CFAP61: variants seen among roughly 807,000 people sequenced by gnomAD.
CFAP61 encodes cilia- and flagella-associated protein 61.
In CFAP61, 107 loss-of-function variants were observed where a neutral mutation model predicts 135.6. That is an observed-to-expected ratio of 0.79 (90% CI 0.67 to 0.93). The LOEUF is 0.93. Among genes scored for constraint, CFAP61 ranks in the 40% least tolerant of loss-of-function variants. The pLI is 0.00. For missense variants in CFAP61, 1,507 were observed against 1,556.2 expected, an observed-to-expected ratio of 0.97 and a Z score of 0.53; for synonymous variants, 575 against 578.5, an observed-to-expected ratio of 0.99 and a Z score of 0.09.
At position 20,191,291 on chromosome 20, in the gene CFAP61, C is replaced by T. The variant is rs764797904; in HGVS notation, c.1513-51C>T. The T allele has an allele frequency of 1.3e-5, 20 of 1,484,172 alleles. No individual in the cohort carries two copies. In the East Asian group the frequency reaches 4.3e-4, roughly 32 times the overall value. The allele number at this position is 1,484,172 out of a possible 1,614,324, so 91.9% of individuals were successfully genotyped here. ...ACCCACTGTTGCCTGCTTACAAAAA[C>T]ATTCATAGCCATATTTTTAAGGGTC... On this transcript the variant is annotated intron_variant, in intron 14 of 26. Coordinates refer to ENST00000245957, the MANE Select transcript of CFAP61 (RefSeq NM_015585.4).
At chr20:20,320,151 A>G (rs6035603) in intron 25 of CFAP61, among the ~76,000 whole-genome samples, 74,590 of 150,040 alleles carry the variant, frequency 0.5, 18,910 homozygotes, top group African/African-American at 0.58. Context: ...CCTATGAATT[A>G]GCATAGTTTT....
At chr20:20,067,284 T>G (rs200181) in intron 2 of CFAP61, among the ~76,000 whole-genome samples, 19,669 of 152,050 alleles carry the variant, frequency 0.13, 1,534 homozygotes, top group African/African-American at 0.21. Context: ...ATCCAACATT[T>G]AAAAATATGC....
At chr20:20,151,911 C>T (rs1369103225) in intron 9 of CFAP61, among the ~76,000 whole-genome samples, 1 of 150,576 alleles carries the variant, frequency 6.6e-6, no homozygotes, top group Non-Finnish European at 1.5e-5. Context: ...ACATAGTCAT[C>T]AGGTTATCTA....
At chr20:20,105,751 C>G (rs2048338308) in intron 8 of CFAP61, among the ~76,000 whole-genome samples, 1 of 151,432 alleles carries the variant, frequency 6.6e-6, no homozygotes. Flanking sequence ...CCTGCCTCAG[C>G]CTCCCGAGTA....
In CFAP61 at chr20:20,298,224, T is replaced by C. The variant is rs2055794519; in HGVS notation, c.3260T>C (p.Phe1087Ser). The change falls in exon 25 of 27, where the codon TTC becomes TCC. Residue 1087 changes from phenylalanine to serine, a missense_variant. Coordinates refer to ENST00000245957, the MANE Select transcript of CFAP61 (RefSeq NM_015585.4). ...VTGSAKNGTY[F>S]RIHINKYKMV... Reference sequence around the variant, plus strand: ...GGCAGTGCGAAAAATGGGACTTACTTCCGAATTCATATTAACAAGTATAAA... The same window carrying C: ...GGCAGTGCGAAAAATGGGACTTACTCCCGAATTCATATTAACAAGTATAAA... 1 of 1,614,036 alleles carries C rather than the reference T, an allele frequency of 6.2e-7. No homozygotes were observed. Among genetic ancestry groups the C allele is most frequent in the African/African-American group, 1.3e-5 (1 of 74,910 alleles).
intron 18 of CFAP61, among the ~76,000 whole-genome samples, chr20:20,240,839 TCTC>T (rs1003107971): frequency 1.3e-5 from 2 of 152,148 alleles, no homozygotes; most frequent in African/African-American, 4.8e-5. Flanking sequence ...TTTCAGGAAG[TCTC>T]CTTAATAGGC....
At chr20:20,099,263 A>G (rs2047829061) in intron 8 of CFAP61, among the ~76,000 whole-genome samples, 2 of 152,148 alleles carry the variant, frequency 1.3e-5, no homozygotes, top group Non-Finnish European at 2.9e-5. Context: ...TTGACAAATC[A>G]TTATGTAGTA....
At chr20:20,249,445 G>A (rs899348848) in intron 19 of CFAP61, among the ~76,000 whole-genome samples, 1 of 152,152 alleles carries the variant, frequency 6.6e-6, no homozygotes, top group Non-Finnish European at 1.5e-5. Context: ...AGTCTGAGCG[G>A]GGAGGATAGC....
At chr20:20,152,283 G>A (rs780961377) in intron 9 of CFAP61, among the ~76,000 whole-genome samples, 7 of 151,546 alleles carry the variant, frequency 4.6e-5, no homozygotes, top group Non-Finnish European at 8.8e-5. Context: ...AATCTCACAG[G>A]GCCTATAAAA....
chr20:20,221,224 A>T (rs952168489), intron 17 of CFAP61: 42 of 152,286 alleles, frequency 2.8e-4, no homozygotes, highest in Middle Eastern at 3.4e-3. Flanking sequence ...AGAGACATGG[A>T]GCCATTTGAG....
At chr20:20,268,344 G>A (rs2147023561) in intron 21 of CFAP61, among the ~76,000 whole-genome samples, 1 of 152,284 alleles carries the variant, frequency 6.6e-6, no homozygotes, top group South Asian at 2.1e-4. Context: ...GAGAATGGTG[G>A]ATGGATTGTT....
intron 6 of CFAP61, among the ~76,000 whole-genome samples, chr20:20,088,848 T>G (rs111753903): frequency 1.1e-4 from 17 of 152,300 alleles, no homozygotes; most frequent in African/African-American, 3.9e-4. Context: ...ATCAAGATAC[T>G]TACTGTTTTT....
chr20:20,224,640 G>A (rs780145951), intron 17 of CFAP61, among the ~76,000 whole-genome samples: 1 of 152,122 alleles, frequency 6.6e-6, no homozygotes, highest in Non-Finnish European at 1.5e-5. Context: ...CAGTAGCTGA[G>A]ATCGCGCCAT....
At chr20:20,239,832 G>T (rs2049883430) in intron 18 of CFAP61, among the ~76,000 whole-genome samples, 1 of 152,176 alleles carries the variant, frequency 6.6e-6, no homozygotes, top group Non-Finnish European at 1.5e-5. Context: ...TCCAGTAGCT[G>T]TGTGGAAGAT....
At chr20:20,312,317 C>T (rs6046788) in intron 25 of CFAP61, among the ~76,000 whole-genome samples, 81,616 of 151,940 alleles carry the variant, frequency 0.54, 22,936 homozygotes, top group African/African-American at 0.71. Flanking sequence ...GTGGAAAACA[C>T]ATAAAAGACC....
intron 18 of CFAP61, among the ~76,000 whole-genome samples, chr20:20,240,935 G>A (rs2049977176): frequency 6.6e-6 from 1 of 152,148 alleles, no homozygotes; most frequent in African/African-American, 2.4e-5. Flanking sequence ...TGAACCTGAG[G>A]TGACCCTGAA....
At chr20:20,352,423 G>A (rs935845753) in intron 26 of CFAP61, among the ~76,000 whole-genome samples, 6 of 152,124 alleles carry the variant, frequency 3.9e-5, no homozygotes, top group Non-Finnish European at 4.4e-5. Flanking sequence ...ATTACAAATT[G>A]AAATGAAATT....
At chr20:20,296,129 T>G (rs1792159530) in intron 24 of CFAP61, among the ~76,000 whole-genome samples, 1 of 21,694 alleles carries the variant, frequency 4.6e-5, no homozygotes, top group Non-Finnish European at 8.3e-5. Context: ...CTTCCTTCCT[T>G]CCTTCCTCCC....
chr20:20,219,737 T>G (rs936962286), intron 17 of CFAP61, among the ~76,000 whole-genome samples: 5 of 152,240 alleles, frequency 3.3e-5, no homozygotes, highest in Non-Finnish European at 7.3e-5. Flanking sequence ...TTCTTTGATT[T>G]CTTAACTCAT....
Sources: gnomAD v4.1 joint callset for allele counts (sites outside exome capture counted in the v4.1 genomes callset) on GRCh38, gnomAD v4.1.1 for gene constraint, MANE v1.5 for transcripts, NCBI Gene and HGNC (gene_info 2026-07-23, HGNC 2026-07-21) for gene names.